Variants in CHODL observed in about 807,000 individuals in gnomAD.
CHODL encodes transmembrane protein MT75.
In CHODL, 29 loss-of-function variants were observed where a neutral mutation model predicts 34.5. That is an observed-to-expected ratio of 0.84 (90% CI 0.63 to 1.15). The LOEUF (loss-of-function observed/expected upper bound fraction) is 1.15. CHODL is among the 50% of genes most tolerant of loss of function. The pLI is 0.00. For missense variants in CHODL, 332 were observed against 332.5 expected, an observed-to-expected ratio of 1.00 and a Z score of 0.01; for synonymous variants, 125 against 116.1, an observed-to-expected ratio of 1.08 and a Z score of -0.49.
Position 17,956,786 on chromosome 21 carries a change from A to T in CHODL, c.-145+39386A>T. ...TGAGAGCTGTGTCCTTATGACCTTA[A>T]CCCCTCAAAGGAAAGAAGAGATAAA... On this transcript the variant is annotated intron_variant, in intron 1 of 6. Coordinates refer to the CHODL transcript ENST00000400127. Among the ~76,000 whole-genome samples the T allele has an allele frequency of 1.6e-5, 2 of 128,232 alleles. 1 individual carries two copies. The highest frequency in any genetic ancestry group is 1.5e-4 in the Admixed American group (2 of 13,086). The allele number at this position is 128,232 out of a possible 152,430, so 84.1% of individuals were successfully genotyped here. A position where few individuals can be genotyped will look rare whatever the true frequency, so the allele number is the denominator to read the frequency against.
At chr21:18,217,490 G>GC (rs59405917) in intron 2 of CHODL, among the ~76,000 whole-genome samples, 6,125 of 151,950 alleles carry the variant, frequency 0.04, 159 homozygotes, top group Non-Finnish European at 0.06. Flanking sequence ...GAGGGTAACT[G>GC]CCCCCCCGAC....
In CHODL at chr21:18,159,237, T is replaced by C. The variant is rs189649678; in HGVS notation, c.-44-97272T>C. ...AATTATCCAGCACAAAATGTCAATA[T>C]CATCAAGGTTGACAAACCCTGGCAT... On this transcript the variant is annotated intron_variant, in intron 2 of 6. Coordinates refer to the CHODL transcript ENST00000400127. Among the ~76,000 whole-genome samples, 13 of 152,300 alleles carry C rather than the reference T, an allele frequency of 8.5e-5. No homozygotes were observed. In the East Asian group the frequency reaches 2.5e-3, roughly 29 times the overall value.
intron 2 of CHODL, among the ~76,000 whole-genome samples, chr21:18,047,425 T>C (rs1600934818): frequency 1.3e-5 from 2 of 151,932 alleles, no homozygotes; most frequent in East Asian, 3.9e-4. Context: ...ATATATATTT[T>C]TATATTAAAA....
intron 2 of CHODL, among the ~76,000 whole-genome samples, chr21:18,070,982 A>G (rs952841116): frequency 3.3e-5 from 5 of 151,994 alleles, no homozygotes; most frequent in African/African-American, 7.2e-5. Flanking sequence ...AAACTAGTAA[A>G]TCGCAGATAT....
intron 2 of CHODL, among the ~76,000 whole-genome samples, chr21:18,218,634 A>G (rs968347857): frequency 6.6e-6 from 1 of 152,188 alleles, no homozygotes; most frequent in African/African-American, 2.4e-5. Context: ...ATTTCTCCCC[A>G]GAGAATGGGT....
chr21:18,102,621 G>C (rs748574389), intron 2 of CHODL, among the ~76,000 whole-genome samples: 2 of 152,172 alleles, frequency 1.3e-5, no homozygotes, highest in Non-Finnish European at 2.9e-5. Flanking sequence ...GGTGAGTACA[G>C]TGTATATAAT....
chr21:18,071,736 C>A (rs2064808092), intron 2 of CHODL, among the ~76,000 whole-genome samples: 1 of 152,108 alleles, frequency 6.6e-6, no homozygotes, highest in South Asian at 2.1e-4. Context: ...TATTACATTT[C>A]TATTTCTATT....
intron 2 of CHODL, among the ~76,000 whole-genome samples, chr21:18,125,091 C>T (rs962542068): frequency 2.6e-5 from 4 of 152,202 alleles, no homozygotes; most frequent in Non-Finnish European, 5.9e-5. Context: ...CTCCAACACT[C>T]GCTAGCTGTT....
intron 1 of CHODL, among the ~76,000 whole-genome samples, chr21:18,253,457 G>A (rs538109514): frequency 3.7e-4 from 56 of 152,052 alleles, no homozygotes; most frequent in Non-Finnish European, 5.9e-4. Context: ...TCAAGGGAAT[G>A]TAATTAAGAT....
intron 1 of CHODL, among the ~76,000 whole-genome samples, chr21:18,006,579 G>A (rs1205995641): frequency 6.6e-6 from 1 of 152,150 alleles, no homozygotes; most frequent in Admixed American, 6.5e-5. Context: ...GGGACTTAGT[G>A]TTTATAAGTG....
chr21:18,168,143 C>A (rs2073181055), intron 2 of CHODL, among the ~76,000 whole-genome samples: 1 of 152,196 alleles, frequency 6.6e-6, no homozygotes, highest in South Asian at 2.1e-4. Context: ...CTTCCCACCG[C>A]AAACTGAAGG....
chr21:18,041,043 A>C (rs996325334), intron 2 of CHODL, among the ~76,000 whole-genome samples: 2 of 151,914 alleles, frequency 1.3e-5, no homozygotes, highest in African/African-American at 4.8e-5. Context: ...TATTGTGATT[A>C]TTTCCTCCCT....
intron 1 of CHODL, among the ~76,000 whole-genome samples, chr21:17,925,385 G>A (rs1359326428): frequency 6.6e-6 from 1 of 152,116 alleles, no homozygotes; most frequent in Non-Finnish European, 1.5e-5. Flanking sequence ...TATGCACCTG[G>A]GCCAGTTTCC....
rs1028119469 is a variant in CHODL at position 18,181,351 on chromosome 21, A to T, written c.-44-75158A>T. Among the ~76,000 whole-genome samples, 14 of 152,362 alleles carry T rather than the reference A, an allele frequency of 9.2e-5. No individual in the cohort carries two copies. The South Asian group carries it at 2.9e-3, about 32-fold the overall frequency. On this transcript the variant is annotated intron_variant, in intron 2 of 6. Transcript: ENST00000400127. Reference sequence around the variant, plus strand: ...CACCACAATGTAGTTTTAGAGCATTACAGTGCATACAAAAGAAGCCCTGTA... The same window carrying T: ...CACCACAATGTAGTTTTAGAGCATTTCAGTGCATACAAAAGAAGCCCTGTA...
chr21:17,991,730 C>T (rs1007857953), intron 1 of CHODL, among the ~76,000 whole-genome samples: 3 of 146,096 alleles, frequency 2.1e-5, no homozygotes, highest in Non-Finnish European at 3.0e-5. Flanking sequence ...GAATATCAAT[C>T]TCTTGTCCAA....
chr21:18,030,859 G>T (rs533800805), intron 2 of CHODL, among the ~76,000 whole-genome samples: 1 of 152,120 alleles, frequency 6.6e-6, no homozygotes, highest in Non-Finnish European at 1.5e-5. Context: ...AATAGTAGAG[G>T]TATGTGGAAT....
intron 2 of CHODL, among the ~76,000 whole-genome samples, chr21:18,237,922 G>T (rs540539010): frequency 2.0e-5 from 3 of 152,188 alleles, no homozygotes; most frequent in South Asian, 4.1e-4. Flanking sequence ...AAATAAATAC[G>T]CCCACAATTT....
intron 2 of CHODL, among the ~76,000 whole-genome samples, chr21:18,089,489 T>C (rs2065046149): frequency 1.3e-5 from 2 of 152,182 alleles, no homozygotes; most frequent in Non-Finnish European, 2.9e-5. Flanking sequence ...TTTATCTCAT[T>C]AATTTATAAC....
chr21:18,070,773 A>C (rs908328980), intron 2 of CHODL, among the ~76,000 whole-genome samples: 8 of 152,044 alleles, frequency 5.3e-5, no homozygotes, highest in African/African-American at 1.9e-4. Flanking sequence ...GGATGACCTC[A>C]ACTCCCCATA....
Sources: allele counts gnomAD v4.1 joint callset (sites outside exome capture counted in the v4.1 genomes callset), GRCh38; gene constraint gnomAD v4.1.1; transcripts MANE v1.5; gene names NCBI Gene and HGNC (gene_info 2026-07-23, HGNC 2026-07-21).